Variants in RBFOX1 observed in about 807,000 individuals in gnomAD.
RBFOX1 encodes the protein RNA binding fox-1 homolog 1, also known as RNA binding protein fox-1 homolog 1.
RBFOX1 carries 8 observed loss-of-function variants against 57.7 expected under a neutral mutation model. The observed-to-expected ratio is 0.14, with a 90% CI of 0.08 to 0.25. RBFOX1 has a LOEUF of 0.25. RBFOX1 is among the 10% of genes least tolerant of loss of function. The pLI is 1.00. For missense variants in RBFOX1, 611 were observed against 548.5 expected (o/e 1.11, Z -1.14); for synonymous variants, 326 against 222.4 (o/e 1.47, Z -4.15).
intron 5 of RBFOX1, among the ~76,000 whole-genome samples, chr16:7,576,785 T>C (rs969820831): frequency 1.3e-5 from 2 of 152,222 alleles, no homozygotes; most frequent in Non-Finnish European, 2.9e-5. Flanking sequence ...TATACACAAA[T>C]CCAAATCTAT....
chr16:7,036,272 T>A (rs2044391874), intron 3 of RBFOX1, among the ~76,000 whole-genome samples: 1 of 152,006 alleles, frequency 6.6e-6, no homozygotes, highest in Non-Finnish European at 1.5e-5. Flanking sequence ...CTCTACAATG[T>A]GTAGATGTGG....
intron 2 of RBFOX1, among the ~76,000 whole-genome samples, chr16:5,532,564 A>C (rs1291384009): frequency 6.6e-6 from 1 of 152,208 alleles, no homozygotes; most frequent in Admixed American, 6.5e-5. Flanking sequence ...AAATCTATAA[A>C]GTACAGCACA....
At chr16:7,657,895 C>T (rs1490226282) in intron 12 of RBFOX1, among the ~76,000 whole-genome samples, 1 of 152,160 alleles carries the variant, frequency 6.6e-6, no homozygotes, top group Non-Finnish European at 1.5e-5. Flanking sequence ...AAAGTAATGT[C>T]TACATAGCCT....
chr16:5,360,055 C>A (rs949403779), intron 1 of RBFOX1, among the ~76,000 whole-genome samples: 1 of 152,152 alleles, frequency 6.6e-6, no homozygotes, highest in Non-Finnish European at 1.5e-5. Flanking sequence ...TTCAGAGAAC[C>A]CTGCAAAGGT....
rs750879435 is a variant in RBFOX1, at chr16:7,073,697, AT to A, written c.27+21600del. 6.6e-5 allele frequency among the ~76,000 whole-genome samples: 10 copies of A among 152,024 alleles called. 1 individual carries two copies. The highest frequency in any genetic ancestry group is 9.7e-5 in the African/African-American group (4 of 41,418). ...CTTCTCTACAAAATAATAAAAAAAA[AT>A]ATATACAAAAAAAAATTACACAGGA... On this transcript the variant is annotated intron_variant, in intron 4 of 15. Coordinates refer to ENST00000550418, the MANE Select transcript of RBFOX1 (RefSeq NM_018723.4).
chr16:6,565,738 G>C (rs573373974), intron 2 of RBFOX1, among the ~76,000 whole-genome samples: 14 of 152,322 alleles, frequency 9.2e-5, no homozygotes, highest in Middle Eastern at 3.4e-3. Flanking sequence ...AAAGTGCTGG[G>C]ATTACAGGTG....
chr16:7,450,787 C>T (rs1004549193), intron 4 of RBFOX1, among the ~76,000 whole-genome samples: 8 of 152,192 alleles, frequency 5.3e-5, no homozygotes, highest in South Asian at 2.1e-4. Context: ...CCCCAGTAGA[C>T]ATTGAAGAGG....
chr16:7,274,046 A>G (rs1442531720), intron 4 of RBFOX1, among the ~76,000 whole-genome samples: 2 of 152,188 alleles, frequency 1.3e-5, no homozygotes, highest in African/African-American at 4.8e-5. Context: ...ATTTGAAATG[A>G]CACAAAGTAC....
chr16:5,384,115 G>A (rs1029422513), intron 1 of RBFOX1, among the ~76,000 whole-genome samples: 3 of 152,206 alleles, frequency 2.0e-5, no homozygotes, highest in Non-Finnish European at 4.4e-5. Context: ...TTGGGGTTCT[G>A]TCTTACTGGC....
chr16:5,513,138 C>T (rs1325608046), intron 2 of RBFOX1, among the ~76,000 whole-genome samples: 2 of 152,184 alleles, frequency 1.3e-5, no homozygotes, highest in Non-Finnish European at 2.9e-5. Context: ...TGGTCTTGAA[C>T]TCCAGGGCTC....
At chr16:6,395,362 C>A (rs1344325318) in intron 2 of RBFOX1, among the ~76,000 whole-genome samples, 1 of 152,200 alleles carries the variant, frequency 6.6e-6, no homozygotes, top group Non-Finnish European at 1.5e-5. Context: ...TATACTTCTT[C>A]TTAGTCTTTT....
chr16:5,494,462 G>A (rs1245142278), intron 2 of RBFOX1, among the ~76,000 whole-genome samples: 1 of 152,170 alleles, frequency 6.6e-6, no homozygotes, highest in East Asian at 1.9e-4. Context: ...ATTACTCTGG[G>A]GGCATTGATG....
chr16:7,555,281 C>T (rs540766343), intron 5 of RBFOX1, among the ~76,000 whole-genome samples: 1 of 152,118 alleles, frequency 6.6e-6, no homozygotes, highest in East Asian at 1.9e-4. Flanking sequence ...AAGGCAAAAT[C>T]CTGTAAATGC....
chr16:5,983,927 C>CCCT (rs1309784209), intron 4 of RBFOX1, among the ~76,000 whole-genome samples: 1 of 143,200 alleles, frequency 7.0e-6, no homozygotes, highest in East Asian at 2.1e-4. Flanking sequence ...CTCCTCCTCC[C>CCCT]CCTCCTCCTC....
intron 3 of RBFOX1, among the ~76,000 whole-genome samples, chr16:7,017,659 C>A (rs2093982414): frequency 1.3e-5 from 2 of 152,134 alleles, no homozygotes; most frequent in South Asian, 2.1e-4. Context: ...ATGGCTGATA[C>A]ATGCTTGACC....
chr16:6,228,568 G>C (rs2097434527), intron 1 of RBFOX1, among the ~76,000 whole-genome samples: 1 of 152,096 alleles, frequency 6.6e-6, no homozygotes, highest in South Asian at 2.1e-4. Flanking sequence ...GACATAGAAA[G>C]ACAAATGCTG....
chr16:6,520,137 C>T (rs2096470562), intron 2 of RBFOX1, among the ~76,000 whole-genome samples: 1 of 152,138 alleles, frequency 6.6e-6, no homozygotes. Flanking sequence ...TTCTTCATGG[C>T]CATCCTTTGC....
At chr16:6,030,517 T>C (rs962871184) in intron 1 of RBFOX1, among the ~76,000 whole-genome samples, 1 of 152,218 alleles carries the variant, frequency 6.6e-6, no homozygotes, top group Non-Finnish European at 1.5e-5. Context: ...TTTATTGTGA[T>C]GTATGTTACT....
intron 2 of RBFOX1, among the ~76,000 whole-genome samples, chr16:6,530,239 A>C (rs993335112): frequency 6.6e-6 from 1 of 152,036 alleles, no homozygotes; most frequent in Non-Finnish European, 1.5e-5. Flanking sequence ...GTTTGGGGGC[A>C]GGAAGAAGCG....
Sources: gnomAD v4.1 joint callset for allele counts (sites outside exome capture counted in the v4.1 genomes callset) on GRCh38, gnomAD v4.1.1 for gene constraint, MANE v1.5 for transcripts, NCBI Gene and HGNC (gene_info 2026-07-23, HGNC 2026-07-21) for gene names.